NEB: variants seen among roughly 807,000 people sequenced by gnomAD.
NEB encodes the protein nemaline myopathy type 2.
In NEB, 512 loss-of-function variants were observed where a neutral mutation model predicts 952.2. The observed-to-expected ratio is 0.54, with a 90% confidence interval of 0.50 to 0.58. NEB has a LOEUF of 0.58. Ranked by LOEUF, NEB falls within the 20% of genes least tolerant of loss-of-function variation. The pLI is 0.00. For synonymous variants in NEB, 2,900 were observed against 3,149.8 expected (o/e 0.92, Z 2.66); for missense variants, 8,428 against 9,231.1 (o/e 0.91, Z 3.56).
intron 176 of NEB, 60 bp downstream of exon 176, chr2:151,493,293 T>C (rs2057990501): frequency 7.7e-7 from 1 of 1,290,922 alleles, no homozygotes; most frequent in African/African-American, 1.5e-5. Context: ...CGTGTTTTTA[T>C]GATGTTAAAA....
rs1489155701 is a variant in NEB at position 151,562,675 on chromosome 2, C to A, written c.18827G>T (p.Trp6276Leu). The change falls in exon 120 of 182, where the codon TGG becomes TTG. Residue 6276 changes from tryptophan (W) to leucine (L), a missense_variant. Around this residue, in one of 11 missense-constraint regions of NEB, gnomAD observed 3,374 missense variants for 3,651.5 expected, o/e 0.92. Coordinates refer to ENST00000397345, the MANE Select transcript of NEB (RefSeq NM_001164508.2). Reference sequence around the variant, plus strand: ...ATTGGGTTCTTCCAGAAGAGACGTCCACTGGTGGAAATAGTGTCGATACTC... The same window carrying A: ...ATTGGGTTCTTCCAGAAGAGACGTCAACTGGTGGAAATAGTGTCGATACTC... The part of the protein sequence containing the change: ...DLEYRHYFHQ[W>L]TSLLEEPNVI... The A allele has an allele frequency of 2.5e-6, 4 of 1,601,980 alleles. No individual in the cohort carries two copies. The highest frequency in any genetic ancestry group is 3.4e-6 in the Non-Finnish European group (4 of 1,171,200).
chr2:151,519,012 A>G lies in NEB; in HGVS notation c.22648T>C (p.Ser7550Pro), dbSNP rs1468385260. Residue 7550 changes from serine (S) to proline (P), a missense_variant, in exon 155 of 182, where the codon TCT becomes CCT. Transcript: ENST00000397345. ...LHKPVTDMKE[S>P]LIMNHVLNTS... is the part of the protein sequence containing the mutation. ...TTCAGGACATGATTCATGATCAGAG[A>G]CTCCTTCATGTCAGTCACGGGTTTG... 8 of 1,613,560 alleles carry G rather than the reference A, an allele frequency of 5.0e-6. No individual in the cohort carries two copies. The highest frequency in any genetic ancestry group is 5.9e-6 in the Non-Finnish European group (7 of 1,179,682).
chr2:151,654,457 TAAAAAG>T (rs949051193), intron 51 of NEB, among the ~76,000 whole-genome samples: 10 of 152,146 alleles, frequency 6.6e-5, no homozygotes, highest in African/African-American at 1.2e-4. Flanking sequence ...TAATTGCTAA[TAAAAAG>T]AAAAACAGGT....
chr2:151,551,878 G>C, intron 128 of NEB, 33 bp from the exon 129 acceptor site: 2 of 1,496,238 alleles, frequency 1.3e-6, no homozygotes, highest in South Asian at 1.2e-5. Context: ...TAGAAGCAAA[G>C]AGAATGGGAA....
chr2:151,627,352 G>A, intron 69 of NEB, 147 bp from the exon 70 acceptor site: 1 of 1,367,094 alleles, frequency 7.3e-7, no homozygotes, highest in Non-Finnish European at 9.9e-7. Flanking sequence ...TACAGTCTCA[G>A]GTATTACTTT....
chr2:151,614,752 G>A (rs1404844160), intron 76 of NEB, among the ~76,000 whole-genome samples, 165 bp from the exon 77 acceptor site: 1 of 152,126 alleles, frequency 6.6e-6, no homozygotes. Context: ...GAACCTAGCA[G>A]GGGTTGAGTG....
chr2:151,503,260 G>T, intron 166 of NEB, 89 bp downstream of exon 166: 1 of 956,458 alleles, frequency 1.0e-6, no homozygotes, highest in Non-Finnish European at 1.7e-6. Context: ...CAGAATTGCT[G>T]TTAAGATGTT....
chr2:151,687,855 T>C (rs2099515109), intron 25 of NEB, 122 bp from the exon 26 acceptor site: 22 of 938,672 alleles, frequency 2.3e-5, no homozygotes, highest in Middle Eastern at 2.2e-4. Flanking sequence ...ACTATATTTA[T>C]CAAATTGTAG....
At chr2:151,725,643 A>G in intron 5 of NEB, 83 bp from the exon 6 acceptor site, 1 of 1,133,200 alleles carries the variant, frequency 8.8e-7, no homozygotes, top group Admixed American at 1.9e-5. Context: ...ATAAAAAAAA[A>G]TCCTTCAAGT....
chr2:151,633,602 CAT>C, intron 65 of NEB, 50 bp downstream of exon 65: 2 of 1,548,048 alleles, frequency 1.3e-6, no homozygotes, highest in South Asian at 1.2e-5. Context: ...ATAATTTTCA[CAT>C]AGTTTAAATT....
rs139636644 is a variant in NEB, at chr2:151,560,620, G to A, written c.19286C>T (p.Ala6429Val). 3 of 1,612,304 alleles carry A rather than the reference G, an allele frequency of 1.9e-6. No individual in the cohort carries two copies. Among genetic ancestry groups the A allele is most frequent in the Admixed American group, 3.3e-5 (2 of 59,766 alleles). ...LPSSTLSLTHAKNQKHLASHI... is the reference protein window; with the variant it reads ...LPSSTLSLTHVKNQKHLASHI... Reference sequence around the variant, plus strand: ...GCTGGCCAGATGCTTCTGGTTCTTGGCGTGTGTCAGGGACAAGGTGCTGGA... The same window carrying A: ...GCTGGCCAGATGCTTCTGGTTCTTGACGTGTGTCAGGGACAAGGTGCTGGA... Residue 6429 changes from alanine (A) to valine (V), a missense_variant, in exon 124 of 182, where the codon GCC (alanine) becomes GTC (valine). Physicochemically the swap from Ala to Val is moderately conservative, Grantham distance 64. This residue lies in a region of NEB where 3,374 missense variants were observed against 3,651.5 expected (regional missense o/e 0.92). Transcript: ENST00000397345.
At chr2:151,704,860 G>C (rs909742634) in intron 13 of NEB, among the ~76,000 whole-genome samples, 1 of 152,162 alleles carries the variant, frequency 6.6e-6, no homozygotes. Context: ...GACCGGAGCT[G>C]TTCCTATTCG....
chr2:151,669,208 A>G, intron 38 of NEB, 77 bp from the exon 39 acceptor site: 1 of 1,005,968 alleles, frequency 9.9e-7, no homozygotes, highest in Non-Finnish European at 1.5e-6. Context: ...ACTCCTTTAA[A>G]ACGGAAGGCT....
intron 25 of NEB, 24 bp from the exon 26 acceptor site, chr2:151,687,757 G>A (rs1443577457): frequency 2.6e-6 from 4 of 1,549,890 alleles, no homozygotes; most frequent in Admixed American, 1.9e-5. Context: ...ATTCAGCAAA[G>A]GAATGATAAG....
At chr2:151,593,671 A>G (rs1171201062) in intron 93 of NEB, among the ~76,000 whole-genome samples, 1 of 101,092 alleles carries the variant, frequency 9.9e-6, no homozygotes, top group Non-Finnish European at 2.2e-5. Context: ...TGTGTCAAGT[A>G]AACATGAAAT....
At chr2:151,492,682 A>G (rs904210832) in intron 176 of NEB, 188 bp from the exon 177 acceptor site, 7 of 407,544 alleles carry the variant, frequency 1.7e-5, no homozygotes, top group African/African-American at 4.1e-5. Context: ...AGTGGAAGAG[A>G]AAGGACTTGT....
intron 54 of NEB, among the ~76,000 whole-genome samples, chr2:151,648,812 C>G (rs922252892): frequency 1.3e-5 from 2 of 152,252 alleles, no homozygotes; most frequent in Non-Finnish European, 2.9e-5. Context: ...GCATGTGCCA[C>G]TTTCACCCCA....
intron 124 of NEB, among the ~76,000 whole-genome samples, chr2:151,556,937 TA>T (rs376559033): frequency 0.024 from 3,716 of 152,158 alleles, 60 homozygotes; most frequent in African/African-American, 0.039. Flanking sequence ...ACTGACACCC[TA>T]ACATCACAAT....
chr2:151,631,377 C>A, intron 65 of NEB, 31 bp from the exon 66 acceptor site: 2 of 1,584,584 alleles, frequency 1.3e-6, no homozygotes, highest in Non-Finnish European at 1.7e-6. Context: ...AAAAACTCTT[C>A]ATCAAGACCA....
Sources: gnomAD v4.1 joint callset for allele counts (sites outside exome capture counted in the v4.1 genomes callset) on GRCh38, gnomAD v4.1.1 for gene constraint, gnomAD v4.1.1 regional missense constraint, MANE v1.5 for transcripts, NCBI Gene and HGNC (gene_info 2026-07-23, HGNC 2026-07-21) for gene names.